CYRIB: variants seen among roughly 807,000 people sequenced by gnomAD.
CYRIB encodes CYFIP related Rac1 interactor B, also known as CYFIP-related Rac1 interactor B.
In CYRIB, 8 loss-of-function variants were observed where a neutral mutation model predicts 44.2. The observed-to-expected ratio is 0.18, with a 90% CI of 0.11 to 0.33. The LOEUF (loss-of-function observed/expected upper bound fraction) is 0.33, where lower values mean the gene tolerates loss of function less well. CYRIB is among the 10% of genes least tolerant of loss of function. The probability of loss-of-function intolerance (pLI) is 1.00; values close to 1 mark genes in which losing one functional copy is unlikely to be tolerated. For missense variants in CYRIB, 185 were observed against 382.8 expected (o/e 0.48, Z 4.31); for synonymous variants, 131 against 127.2 (o/e 1.03, Z -0.20).
At chr8:129,919,637 A>T (rs1167350641) in intron 1 of CYRIB, among the ~76,000 whole-genome samples, 1 of 152,200 alleles carries the variant, frequency 6.6e-6, no homozygotes, top group Non-Finnish European at 1.5e-5. Flanking sequence ...GGTGCCTTAC[A>T]TACTTAAAAA....
At chr8:129,946,815 G>C (rs1396218665) in intron 2 of CYRIB, among the ~76,000 whole-genome samples, 3 of 151,948 alleles carry the variant, frequency 2.0e-5, no homozygotes, top group African/African-American at 7.3e-5. Flanking sequence ...TGACCTGCAG[G>C]AAGAAAAAAG....
chr8:129,897,189 A>C lies in CYRIB; in HGVS notation c.-11+6123T>G, dbSNP rs149276343. Among the ~76,000 whole-genome samples the C allele has an allele frequency of 5.8e-3, 891 of 152,328 alleles. 4 individuals are homozygous for C. Among genetic ancestry groups the C allele is most frequent in the Middle Eastern group, 0.02 (6 of 294 alleles). On this transcript the variant is annotated intron_variant, in intron 2 of 11. Transcript: ENST00000519824. ...GACTCACCCTTGACTATTTAACCTT[A>C]GTATGAATCTATTCTACAACATATC...
At position 129,997,037 on chromosome 8, in the gene CYRIB, TGAAG is replaced by T. The variant is rs1195038257; in HGVS notation, c.-296+19329_-296+19332del. On this transcript the variant is annotated intron_variant, in intron 1 of 14. Transcript: ENST00000401979. ...GTTATGAAAACCCAGTATGCCTTTG[TGAAG>T]GAAGGAAGGAAGGAGGGAGGGAGGG... Among the ~76,000 whole-genome samples, 319 of 119,832 alleles carry T rather than the reference TGAAG, an allele frequency of 2.7e-3. 1 individual carries two copies. Among genetic ancestry groups the T allele is most frequent in the African/African-American group, 0.01 (295 of 28,170 alleles). 78.6% of individuals were successfully genotyped at this position (119,832 alleles called of 152,430 possible). A position where few individuals can be genotyped will look rare whatever the true frequency, so the allele number is the denominator to read the frequency against.
At chr8:129,857,898 G>A (rs1452443826) in intron 5 of CYRIB, among the ~76,000 whole-genome samples, 1 of 152,166 alleles carries the variant, frequency 6.6e-6, no homozygotes, top group Non-Finnish European at 1.5e-5. Flanking sequence ...CAAGTCTCAG[G>A]GTTAATTTCA....
At chr8:129,865,628 T>C (rs2053098916) in intron 4 of CYRIB, among the ~76,000 whole-genome samples, 1 of 152,188 alleles carries the variant, frequency 6.6e-6, no homozygotes, top group Admixed American at 6.5e-5. Context: ...ATGAAACAAA[T>C]CTGGGTTAAC....
intron 1 of CYRIB, among the ~76,000 whole-genome samples, chr8:129,930,205 T>G (rs1260239838): frequency 6.6e-6 from 1 of 150,872 alleles, no homozygotes; most frequent in Non-Finnish European, 1.5e-5. Flanking sequence ...AGCGAGACTC[T>G]GTCTCAAAAA....
intron 2 of CYRIB, among the ~76,000 whole-genome samples, chr8:129,967,351 G>T (rs1313227062): frequency 2.1e-5 from 3 of 141,974 alleles, no homozygotes; most frequent in Admixed American, 1.4e-4. Flanking sequence ...CTTTTCTTTG[G>T]TTTTGTTTTG....
At chr8:129,981,437 C>T (rs531856043) in intron 1 of CYRIB, among the ~76,000 whole-genome samples, 2 of 152,296 alleles carry the variant, frequency 1.3e-5, no homozygotes, top group East Asian at 3.9e-4. Context: ...AGGTGTGAGC[C>T]ACTGTGCCTG....
intron 1 of CYRIB, chr8:129,904,514 C>T (rs998438460): frequency 6.6e-6 from 1 of 152,160 alleles, no homozygotes; most frequent in Non-Finnish European, 1.5e-5. Flanking sequence ...GATTGGCGTT[C>T]CCTCTTTCCT....
At position 129,903,618 on chromosome 8, in the gene CYRIB, AGTG is replaced by A. The variant is rs962014038; in HGVS notation, c.-49-271_-49-269del. Among the ~76,000 whole-genome samples, 144 of 152,370 alleles carry A rather than the reference AGTG, an allele frequency of 9.5e-4. 1 individual carries two copies. The highest frequency in any genetic ancestry group is 3.3e-3 in the African/African-American group (138 of 41,586). On this transcript the variant is annotated intron_variant, in intron 1 of 11. Transcript: ENST00000519824. ...CCGTCAACATACTCAGAGAGTAAAA[AGTG>A]TACGAAGACAAGTACACAATTCTCA...
At chr8:129,875,321 G>C (rs1225037593) in intron 3 of CYRIB, among the ~76,000 whole-genome samples, 1 of 151,622 alleles carries the variant, frequency 6.6e-6, no homozygotes, top group Admixed American at 6.6e-5. Flanking sequence ...GTGGAGTGCA[G>C]TAGAGCAAAT....
At chr8:129,988,403 C>T (rs1010783120) in intron 1 of CYRIB, among the ~76,000 whole-genome samples, 8 of 152,192 alleles carry the variant, frequency 5.3e-5, no homozygotes, top group Non-Finnish European at 1.2e-4. Context: ...CAGGAACCCT[C>T]TAATTCAGCC....
rs191359073 is a variant in CYRIB at position 129,946,003 on chromosome 8, C to T, written c.-243+24940G>A. ...AATGGAGATAAGACAATCTACTTCT[C>T]GGAAATGTTGGGAAGCTCTCATGAA... On this transcript the variant is annotated intron_variant, in intron 2 of 14. Coordinates refer to the CYRIB transcript ENST00000401979. Among the ~76,000 whole-genome samples, 69 of 152,306 alleles carry T rather than the reference C, an allele frequency of 4.5e-4. No homozygotes were observed. The South Asian group carries it at 1.0e-2, about 22-fold the overall frequency.
chr8:129,866,740 A>G (rs1471476086), intron 4 of CYRIB, among the ~76,000 whole-genome samples: 3 of 152,286 alleles, frequency 2.0e-5, no homozygotes, highest in African/African-American at 7.2e-5. Context: ...AATGTCACCC[A>G]TTTTCATAAC....
At chr8:129,957,782 GGT>G (rs904753004) in intron 2 of CYRIB, among the ~76,000 whole-genome samples, 71 of 152,130 alleles carry the variant, frequency 4.7e-4, no homozygotes, top group African/African-American at 1.4e-3. Context: ...TGGCTAACAT[GGT>G]GAAACCCCGT....
intron 2 of CYRIB, chr8:129,948,958 C>T (rs2094344254): frequency 6.6e-6 from 1 of 152,008 alleles, no homozygotes; most frequent in African/African-American, 2.4e-5. Context: ...GCCTGTGGTC[C>T]CAGTTACTTG....
chr8:129,890,908 A>T (rs989231984), intron 2 of CYRIB, among the ~76,000 whole-genome samples: 16 of 150,562 alleles, frequency 1.1e-4, no homozygotes, highest in South Asian at 6.3e-4. Flanking sequence ...ATAAAATTTA[A>T]AAAAAAAAAG....
chr8:129,939,444 G>T (rs1411580696), intron 1 of CYRIB, among the ~76,000 whole-genome samples: 1 of 151,742 alleles, frequency 6.6e-6, no homozygotes, highest in Non-Finnish European at 1.5e-5. Flanking sequence ...AAGCGGGCCC[G>T]GGGCGTCGCG....
chr8:129,918,141 G>A (rs1248828679), intron 1 of CYRIB, among the ~76,000 whole-genome samples: 1 of 152,050 alleles, frequency 6.6e-6, no homozygotes, highest in Non-Finnish European at 1.5e-5. Context: ...ATGCCACAGA[G>A]CTACCACAGC....
Sources: allele counts gnomAD v4.1 joint callset (sites outside exome capture counted in the v4.1 genomes callset), GRCh38; gene constraint gnomAD v4.1.1; transcripts MANE v1.5; gene names NCBI Gene and HGNC (gene_info 2026-07-23, HGNC 2026-07-21).